ANKS1B: variants seen among roughly 807,000 people sequenced by gnomAD.
ANKS1B encodes the protein ankyrin repeat and sterile alpha motif domain-containing protein 1B.
ANKS1B carries 36 observed loss-of-function variants against 148.3 expected under a neutral mutation model. The ratio of observed to expected loss-of-function variants is 0.24; its 90% confidence interval spans 0.19 to 0.32. The LOEUF is 0.32. Ranked by LOEUF, ANKS1B falls within the 10% of genes least tolerant of loss-of-function variation. ANKS1B has a pLI of 1.00. For missense variants in ANKS1B, 1,157 were observed against 1,542.6 expected (o/e 0.75, Z 4.19); for synonymous variants, 542 against 560.8 (o/e 0.97, Z 0.47).
At chr12:99,471,968 C>T (rs929933218) in intron 10 of ANKS1B, among the ~76,000 whole-genome samples, 2 of 151,982 alleles carry the variant, frequency 1.3e-5, no homozygotes, top group Non-Finnish European at 2.9e-5. Context: ...CCTTAGAATT[C>T]GTAGTGCAAA....
chr12:99,437,130 G>T (rs1390490496), intron 11 of ANKS1B, among the ~76,000 whole-genome samples: 1 of 151,976 alleles, frequency 6.6e-6, no homozygotes, highest in African/African-American at 2.4e-5. Flanking sequence ...CCAAGATCAG[G>T]TTTCCACCTT....
At chr12:98,923,556 C>T (rs955982918) in intron 17 of ANKS1B, among the ~76,000 whole-genome samples, 1 of 152,114 alleles carries the variant, frequency 6.6e-6, no homozygotes, top group African/African-American at 2.4e-5. Context: ...AATTCTTGCA[C>T]AAATGGAAAA....
In ANKS1B at chr12:99,984,327, C is replaced by T. The variant is rs532256541; in HGVS notation, c.-90G>A. On this transcript the variant is annotated 5_prime_UTR_variant, in exon 1 of 27. Coordinates refer to ENST00000683438, the MANE Select transcript of ANKS1B (RefSeq NM_001352186.2). The stretch of plus-strand genomic sequence containing the variant: ...ACTCCCCAAAATCCAGGGCCCTCTT[C>T]GCCCCACCCTAAAATAATGCAAGAG... The T allele has an allele frequency of 2.0e-3, 2,474 of 1,242,320 alleles. 4 individuals are homozygous for T. Among genetic ancestry groups the T allele is most frequent in the Non-Finnish European group, 2.5e-3 (2,260 of 908,838 alleles). 77.0% of individuals were successfully genotyped at this position (1,242,320 alleles called of 1,614,324 possible).
rs2055985160 is a variant in ANKS1B at position 99,707,459 on chromosome 12, A to G, written c.1129-52249T>C. Among the ~76,000 whole-genome samples the G allele has an allele frequency of 2.0e-5, 3 of 152,158 alleles. No homozygotes were observed. The South Asian group carries it at 6.2e-4, about 32-fold the overall frequency. On this transcript the variant is annotated intron_variant, in intron 8 of 26. Transcript: ENST00000683438. ...AGAGGGAAAAGTCATAAGAGGTAAC[A>G]CATAATAGAAATCTTCTATTTAATA...
chr12:98,982,864 C>T (rs1254943154), intron 17 of ANKS1B, among the ~76,000 whole-genome samples: 3 of 152,142 alleles, frequency 2.0e-5, no homozygotes, highest in Non-Finnish European at 1.5e-5. Flanking sequence ...TCCTGGTGCA[C>T]ACATGCAACA....
At chr12:98,855,043 T>C (rs370138333) in intron 17 of ANKS1B, among the ~76,000 whole-genome samples, 1,561 of 151,600 alleles carry the variant, frequency 0.01, 12 homozygotes, top group Middle Eastern at 0.014. Context: ...CCTGTAGTCC[T>C]AGCTACTCGG....
At chr12:98,989,940 A>C (rs572884030) in intron 17 of ANKS1B, among the ~76,000 whole-genome samples, 4 of 152,032 alleles carry the variant, frequency 2.6e-5, no homozygotes, top group African/African-American at 9.6e-5. Flanking sequence ...AGAAAGAGAA[A>C]GAAGGAAAAG....
intron 1 of ANKS1B, among the ~76,000 whole-genome samples, chr12:99,942,628 T>C (rs1027011169): frequency 1.3e-5 from 2 of 152,126 alleles, no homozygotes; most frequent in Admixed American, 6.6e-5. Flanking sequence ...AGAGCAGAGA[T>C]AGAAGATCCA....
At chr12:99,828,022 CTAAAACAGAGACAACCCAA>C (rs2083427313) in intron 1 of ANKS1B, among the ~76,000 whole-genome samples, 1 of 151,974 alleles carries the variant, frequency 6.6e-6, no homozygotes, top group African/African-American at 2.4e-5. Context: ...AGGTAATAGC[CTAAAACAGAGACAACCCAA>C]ATGTCCATTA....
At chr12:99,224,018 T>A (rs554164030) in intron 14 of ANKS1B, among the ~76,000 whole-genome samples, 74 of 152,318 alleles carry the variant, frequency 4.9e-4, no homozygotes, top group African/African-American at 1.6e-3. Flanking sequence ...ATAAACAAAT[T>A]TTTCTTTAAT....
intron 12 of ANKS1B, among the ~76,000 whole-genome samples, chr12:99,257,943 G>C (rs2075471911): frequency 3.3e-5 from 5 of 152,276 alleles, no homozygotes; most frequent in South Asian, 2.1e-4. Flanking sequence ...GATGTTTTTA[G>C]AGAGCAAGAG....
chr12:99,153,422 T>G (rs1452086081), intron 15 of ANKS1B, among the ~76,000 whole-genome samples: 1 of 152,088 alleles, frequency 6.6e-6, no homozygotes, highest in Non-Finnish European at 1.5e-5. Flanking sequence ...GTGTGATGGG[T>G]ACTTAAAAGC....
intron 20 of ANKS1B, among the ~76,000 whole-genome samples, chr12:98,807,055 C>T (rs1473307891): frequency 6.6e-6 from 1 of 152,138 alleles, no homozygotes; most frequent in Non-Finnish European, 1.5e-5. Flanking sequence ...GTCTCAACCT[C>T]TCAGACAGCA....
At chr12:99,476,047 C>G (rs1239317172) in intron 10 of ANKS1B, among the ~76,000 whole-genome samples, 1 of 151,976 alleles carries the variant, frequency 6.6e-6, no homozygotes, top group Non-Finnish European at 1.5e-5. Flanking sequence ...AATTCTTAAT[C>G]AAGACAAGAA....
At chr12:99,704,575 C>T (rs201023480) in intron 8 of ANKS1B, among the ~76,000 whole-genome samples, 3 of 100,048 alleles carry the variant, frequency 3.0e-5, no homozygotes, top group Non-Finnish European at 6.0e-5. Flanking sequence ...TACATATACA[C>T]ACACACACAC....
chr12:99,739,192 T>TA (rs2059868461), intron 8 of ANKS1B, among the ~76,000 whole-genome samples: 1 of 151,650 alleles, frequency 6.6e-6, no homozygotes, highest in Admixed American at 6.6e-5. Context: ...CCTAACTTTA[T>TA]AAATTCTAAA....
At chr12:99,319,514 T>C (rs1317911816) in intron 12 of ANKS1B, among the ~76,000 whole-genome samples, 1 of 152,178 alleles carries the variant, frequency 6.6e-6, no homozygotes, top group Non-Finnish European at 1.5e-5. Flanking sequence ...TGTTTGTTTG[T>C]TTTCCATTTG....
chr12:99,907,768 T>C (rs2093839282), intron 1 of ANKS1B, among the ~76,000 whole-genome samples: 1 of 143,018 alleles, frequency 7.0e-6, no homozygotes, highest in African/African-American at 2.6e-5. Context: ...TTGCTTTTAA[T>C]GCTGCCTGGA....
intron 8 of ANKS1B, among the ~76,000 whole-genome samples, chr12:99,731,756 ATATCT>A (rs1272649067): frequency 2.0e-5 from 3 of 152,306 alleles, no homozygotes; most frequent in African/African-American, 4.8e-5. Flanking sequence ...ATAGGCAAAG[ATATCT>A]TAGCTAAGAC....
Sources: gnomAD v4.1 joint callset for allele counts (sites outside exome capture counted in the v4.1 genomes callset) on GRCh38, gnomAD v4.1.1 for gene constraint, MANE v1.5 for transcripts, NCBI Gene and HGNC (gene_info 2026-07-23, HGNC 2026-07-21) for gene names.